USH2A: variants seen among roughly 807,000 people sequenced by gnomAD.
The protein encoded by USH2A is usherin.
USH2A carries 443 observed loss-of-function variants against 538.9 expected under a neutral mutation model. The ratio of observed to expected loss-of-function variants is 0.82; its 90% CI spans 0.76 to 0.89. The LOEUF (loss-of-function observed/expected upper bound fraction) is 0.89. Ranked by LOEUF, USH2A falls within the 40% of genes least tolerant of loss-of-function variation. The probability of loss-of-function intolerance (pLI) is 0.00; values close to 1 mark genes in which losing one functional copy is unlikely to be tolerated. For missense variants in USH2A, 6,633 were observed against 6,324.8 expected (o/e 1.05, Z -1.65); for synonymous variants, 2,413 against 2,273.5 (o/e 1.06, Z -1.75).
chr1:216,056,045 G>A (rs983417442), intron 30 of USH2A, among the ~76,000 whole-genome samples: 3 of 151,960 alleles, frequency 2.0e-5, no homozygotes, highest in South Asian at 4.2e-4. Flanking sequence ...CTTAGAGGAC[G>A]GTTTAAACAG....
At chr1:216,413,899 A>T (rs189832418) in intron 3 of USH2A, among the ~76,000 whole-genome samples, 36 of 152,256 alleles carry the variant, frequency 2.4e-4, no homozygotes, top group African/African-American at 7.9e-4. Flanking sequence ...TGGGCTATAA[A>T]ATGTGTGGAA....
At chr1:216,298,335 G>A (rs961297497) in intron 9 of USH2A, among the ~76,000 whole-genome samples, 1 of 152,074 alleles carries the variant, frequency 6.6e-6, no homozygotes, top group Non-Finnish European at 1.5e-5. Context: ...GCTATTTCTA[G>A]GAAGACATTT....
intron 20 of USH2A, among the ~76,000 whole-genome samples, chr1:216,186,195 T>C (rs2034597335): frequency 6.6e-6 from 1 of 151,634 alleles, no homozygotes; most frequent in Admixed American, 6.6e-5. Flanking sequence ...GAATGAAAAT[T>C]GGGTAGAAGA....
intron 61 of USH2A, among the ~76,000 whole-genome samples, chr1:215,707,567 C>T (rs1391173495): frequency 6.6e-6 from 1 of 152,162 alleles, no homozygotes; most frequent in Non-Finnish European, 1.5e-5. Context: ...ATGTGGGGTT[C>T]TGTTGATTCC....
Position 216,246,882 on chromosome 1 carries a change from G to A in USH2A, c.2512C>T (p.Gln838Ter). Residue 838 changes from glutamine (Q) to a stop codon, truncating the protein, a stop_gained, in exon 13 of 72, where the codon CAA becomes TAA. Transcript: ENST00000307340. LOFTEE classifies it high-confidence loss of function. ...GGCAGACAGAGGAAAGAATTATTTT[G>A]CCGTAGGTAGAAGTTTCCCTCCAAA... ...KCLEGNFYLR[Q>*]NNSFLCLPCN... 1 of 1,614,092 alleles carries A rather than the reference G, an allele frequency of 6.2e-7. No individual in the cohort carries two copies. The highest frequency in any genetic ancestry group is 8.5e-7 in the Non-Finnish European group (1 of 1,179,964).
intron 55 of USH2A, among the ~76,000 whole-genome samples, chr1:215,772,759 C>T (rs1275787719): frequency 5.9e-5 from 9 of 152,154 alleles, no homozygotes; most frequent in Admixed American, 5.2e-4. Context: ...AAACATTCAG[C>T]CAATTATTCT....
intron 40 of USH2A, among the ~76,000 whole-genome samples, chr1:215,892,204 TTGAG>T (rs1351694927): frequency 6.6e-6 from 1 of 152,170 alleles, no homozygotes. Flanking sequence ...GACTCACAAC[TTGAG>T]TGTGTATATA....
intron 37 of USH2A, among the ~76,000 whole-genome samples, chr1:215,955,562 G>T (rs555447192): frequency 6.6e-6 from 1 of 151,896 alleles, no homozygotes; most frequent in Non-Finnish European, 1.5e-5. Flanking sequence ...CTGCTTCTTG[G>T]GTGTAAAACT....
intron 32 of USH2A, among the ~76,000 whole-genome samples, chr1:216,039,898 G>T (rs995219091): frequency 2.0e-5 from 3 of 151,552 alleles, no homozygotes; most frequent in African/African-American, 4.8e-5. Context: ...TGGCAAATAA[G>T]ACCAAAAAAA....
Position 216,412,261 on chromosome 1 carries a change from C to G in USH2A, c.651+6253G>C, listed in dbSNP as rs146224891. Among the ~76,000 whole-genome samples, 305 of 152,152 alleles carry G rather than the reference C, an allele frequency of 2.0e-3. 5 individuals are homozygous for G. Among genetic ancestry groups the G allele is most frequent in the African/African-American group, 6.9e-3 (286 of 41,534 alleles). ...TCAAGAATTAAAGCCTTGCCTTCTG[C>G]TTAAATATTGCATTTTAAAATCACA... On this transcript the variant is annotated intron_variant, in intron 3 of 71. Coordinates refer to ENST00000307340, the MANE Select transcript of USH2A (RefSeq NM_206933.4).
chr1:215,831,470 ACTGTAAC>A (rs1218387023), intron 47 of USH2A, among the ~76,000 whole-genome samples: 3 of 152,082 alleles, frequency 2.0e-5, no homozygotes, highest in Non-Finnish European at 1.5e-5. Flanking sequence ...CCCTGAAAAA[ACTGTAAC>A]TAATTTAAAA....
intron 44 of USH2A, among the ~76,000 whole-genome samples, chr1:215,863,254 T>C (rs1375353022): frequency 6.6e-6 from 1 of 152,020 alleles, no homozygotes; most frequent in Non-Finnish European, 1.5e-5. Context: ...GAGAGACAGA[T>C]TACAACAGGT....
At chr1:216,391,881 G>A (rs1014189846) in intron 3 of USH2A, among the ~76,000 whole-genome samples, 1 of 152,096 alleles carries the variant, frequency 6.6e-6, no homozygotes, top group African/African-American at 2.4e-5. Flanking sequence ...TCTTTTGTCT[G>A]TGCATATTTT....
chr1:215,743,365 T>TA, intron 58 of USH2A, 30 bp from the exon 59 acceptor site: 1 of 1,055,312 alleles, frequency 9.5e-7, no homozygotes, highest in Non-Finnish European at 1.3e-6. Context: ...GAGAGAACAT[T>TA]AAAAACATAT....
intron 11 of USH2A, among the ~76,000 whole-genome samples, chr1:216,266,172 G>A (rs1458319848): frequency 2.0e-5 from 3 of 151,680 alleles, no homozygotes; most frequent in Admixed American, 6.6e-5. Context: ...TCCCATAATA[G>A]GTATAAATAT....
At chr1:216,020,550 T>G (rs1405312559) in intron 32 of USH2A, among the ~76,000 whole-genome samples, 1 of 152,110 alleles carries the variant, frequency 6.6e-6, no homozygotes, top group African/African-American at 2.4e-5. Flanking sequence ...TCCTTGGAAT[T>G]TTCTGAGTGA....
At chr1:216,211,628 T>C (rs2035243100) in intron 15 of USH2A, among the ~76,000 whole-genome samples, 1 of 152,234 alleles carries the variant, frequency 6.6e-6, no homozygotes, top group Admixed American at 6.5e-5. Context: ...TGCCCTCCTT[T>C]TGTCTTTTTC....
chr1:215,837,297 A>G (rs1198469357), intron 47 of USH2A, among the ~76,000 whole-genome samples: 2 of 152,018 alleles, frequency 1.3e-5, no homozygotes. Context: ...ATGTAAGAGA[A>G]GGGTGATTCA....
At chr1:215,890,354 T>C (rs1015081284) in intron 40 of USH2A, among the ~76,000 whole-genome samples, 13 of 152,232 alleles carry the variant, frequency 8.5e-5, no homozygotes, top group Non-Finnish European at 1.8e-4. Flanking sequence ...AAATTTTAAA[T>C]GCAACCACTG....
Sources: gnomAD v4.1 joint callset for allele counts (sites outside exome capture counted in the v4.1 genomes callset) on GRCh38, gnomAD v4.1.1 for gene constraint, MANE v1.5 for transcripts, NCBI Gene and HGNC (gene_info 2026-07-23, HGNC 2026-07-21) for gene names.